SEMA3A: variants seen among roughly 807,000 people sequenced by gnomAD.
The protein encoded by SEMA3A is semaphorin-3A.
A neutral mutation model predicts 97.9 loss-of-function variants in SEMA3A; 29 were observed. The observed-to-expected ratio is 0.30, with a 90% CI of 0.22 to 0.40. The LOEUF (loss-of-function observed/expected upper bound fraction) is 0.40. SEMA3A is among the 10% of genes least tolerant of loss of function. The probability of loss-of-function intolerance (pLI) is 1.00; values close to 1 mark genes in which losing one functional copy is unlikely to be tolerated. For synonymous variants in SEMA3A, 321 were observed against 323.7 expected, an observed-to-expected ratio of 0.99 and a Z score of 0.09; for missense variants, 763 against 951.3, an observed-to-expected ratio of 0.80 and a Z score of 2.60.
chr7:84,258,084 G>A (rs141171317), intron 3 of SEMA3A, among the ~76,000 whole-genome samples: 288 of 152,202 alleles, frequency 1.9e-3, no homozygotes, highest in African/African-American at 6.3e-3. Context: ...TCAAAGACTC[G>A]TTCTCCCCTT....
chr7:84,056,687 A>G (rs1008056040), intron 5 of SEMA3A, among the ~76,000 whole-genome samples: 29 of 152,240 alleles, frequency 1.9e-4, no homozygotes, highest in African/African-American at 7.0e-4. Context: ...AAAATTTTAC[A>G]CTATTATATT....
intron 1 of SEMA3A, among the ~76,000 whole-genome samples, chr7:84,150,548 C>T (rs1194580132): frequency 2.0e-5 from 3 of 152,100 alleles, no homozygotes; most frequent in Non-Finnish European, 4.4e-5. Context: ...TAAAAAACGG[C>T]GCATCACGAG....
rs1044084476 is a variant in SEMA3A at position 83,957,672 on chromosome 7, T to A, written c.*3699A>T. 2.0e-5 allele frequency: 3 copies of A among 152,118 alleles called. No homozygotes were observed. The highest frequency in any genetic ancestry group is 7.2e-5 in the African/African-American group (3 of 41,448). 9.4% of individuals were successfully genotyped at this position (152,118 alleles called of 1,614,324 possible). On this transcript the variant is annotated 3_prime_UTR_variant, in exon 17 of 17. Coordinates refer to ENST00000265362, the MANE Select transcript of SEMA3A (RefSeq NM_006080.3). ...ATTATGTTCATTTAATTAACTAGTTTAAGAAAATTTTTAGAGATCAAACAA... is the reference window on the plus strand; with the variant it reads ...ATTATGTTCATTTAATTAACTAGTTAAAGAAAATTTTTAGAGATCAAACAA...
At chr7:84,002,168 A>G (rs574373860) in intron 11 of SEMA3A, 122 bp from the exon 12 acceptor site, 319 of 585,260 alleles carry the variant, frequency 5.5e-4, no homozygotes, top group Non-Finnish European at 8.5e-4. Flanking sequence ...CTTTTAATTC[A>G]TTTTTTGGTC....
chr7:84,299,260 CTCCATATATATA>C (rs1189663753), intron 3 of SEMA3A, among the ~76,000 whole-genome samples: 22 of 137,226 alleles, frequency 1.6e-4, no homozygotes, highest in Non-Finnish European at 2.8e-4. Context: ...ATATATATAT[CTCCATATATATA>C]TCTCCATATA....
At chr7:84,279,627 G>A (rs1459747396) in intron 3 of SEMA3A, among the ~76,000 whole-genome samples, 1 of 152,142 alleles carries the variant, frequency 6.6e-6, no homozygotes, top group African/African-American at 2.4e-5. Context: ...TTATGTGGGA[G>A]TTCGTTTTAC....
chr7:84,104,694 G>A (rs542027393), intron 4 of SEMA3A, among the ~76,000 whole-genome samples: 2 of 152,084 alleles, frequency 1.3e-5, no homozygotes, highest in South Asian at 4.2e-4. Flanking sequence ...CCTCACTTAA[G>A]CACTACCTCT....
chr7:84,113,551 G>T (rs937848451), intron 3 of SEMA3A, among the ~76,000 whole-genome samples: 1 of 152,128 alleles, frequency 6.6e-6, no homozygotes, highest in Non-Finnish European at 1.5e-5. Context: ...AGAATGTAAT[G>T]TACTTTTTGG....
intron 1 of SEMA3A, among the ~76,000 whole-genome samples, chr7:84,403,037 C>T (rs1056984147): frequency 5.3e-5 from 8 of 152,004 alleles, no homozygotes; most frequent in East Asian, 1.9e-4. Context: ...TGGGGAGTGC[C>T]GGAGAGTGGG....
intron 1 of SEMA3A, among the ~76,000 whole-genome samples, chr7:84,414,734 C>CA (rs896252681): frequency 2.1e-4 from 32 of 150,822 alleles, no homozygotes; most frequent in East Asian, 1.4e-3. Flanking sequence ...TCATGAAAAA[C>CA]AAAAAAAAGG....
At chr7:84,016,150 T>C (rs1201998340) in intron 6 of SEMA3A, among the ~76,000 whole-genome samples, 1 of 152,124 alleles carries the variant, frequency 6.6e-6, no homozygotes, top group East Asian at 1.9e-4. Context: ...ATGTGACATG[T>C]TAGGAATTAC....
At chr7:84,135,097 C>A in intron 1 of SEMA3A, 146 bp from the exon 2 acceptor site, 1 of 516,256 alleles carries the variant, frequency 1.9e-6, no homozygotes, top group Non-Finnish European at 3.2e-6. Context: ...TATATTGGAA[C>A]CAAAATGTGT....
At chr7:84,309,573 A>G (rs899677132) in intron 2 of SEMA3A, among the ~76,000 whole-genome samples, 11 of 152,154 alleles carry the variant, frequency 7.2e-5, no homozygotes, top group Admixed American at 2.0e-4. Flanking sequence ...CTGGGCTAGC[A>G]ATGGGTCAGC....
intron 4 of SEMA3A, among the ~76,000 whole-genome samples, chr7:84,086,355 C>G (rs1430992026): frequency 6.6e-6 from 1 of 151,060 alleles, no homozygotes; most frequent in Non-Finnish European, 1.5e-5. Flanking sequence ...TGACCTTAAT[C>G]TCCTTAAGGC....
intron 4 of SEMA3A, among the ~76,000 whole-genome samples, chr7:84,064,342 T>G (rs1793388574): frequency 6.6e-6 from 1 of 152,018 alleles, no homozygotes; most frequent in South Asian, 2.1e-4. Context: ...CCATCAAGAC[T>G]AGGAATAAAC....
At chr7:84,407,674 T>C (rs1804136110) in intron 1 of SEMA3A, among the ~76,000 whole-genome samples, 1 of 151,984 alleles carries the variant, frequency 6.6e-6, no homozygotes, top group Non-Finnish European at 1.5e-5. Context: ...CAAAACAGCA[T>C]GGTACTGGTA....
chr7:84,339,676 T>G (rs1020467671), intron 2 of SEMA3A, among the ~76,000 whole-genome samples: 3 of 152,172 alleles, frequency 2.0e-5, no homozygotes, highest in Non-Finnish European at 4.4e-5. Flanking sequence ...TGGGTTCCAC[T>G]TATACAATTA....
intron 3 of SEMA3A, among the ~76,000 whole-genome samples, chr7:84,296,631 T>C (rs1341366927): frequency 6.6e-6 from 1 of 152,136 alleles, no homozygotes; most frequent in Non-Finnish European, 1.5e-5. Flanking sequence ...TCTAATGGTA[T>C]AAACAACTAG....
intron 6 of SEMA3A, among the ~76,000 whole-genome samples, chr7:84,016,917 A>T (rs1193687893): frequency 6.6e-6 from 1 of 152,226 alleles, no homozygotes; most frequent in East Asian, 1.9e-4. Flanking sequence ...TTAATACTGG[A>T]ACAATGGAGG....
Sources: allele counts gnomAD v4.1 joint callset (sites outside exome capture counted in the v4.1 genomes callset), GRCh38; gene constraint gnomAD v4.1.1; transcripts MANE v1.5; gene names NCBI Gene and HGNC (gene_info 2026-07-23, HGNC 2026-07-21).